CD163L1: variants seen among roughly 807,000 people sequenced by gnomAD.
The protein encoded by CD163L1 is scavenger receptor cysteine-rich type 1 protein M160.
Under a neutral mutation model 165.4 loss-of-function variants are expected in CD163L1, and 124 were observed. That is an observed-to-expected ratio of 0.75 (90% CI 0.65 to 0.87). The LOEUF (loss-of-function observed/expected upper bound fraction) is 0.87. Ranked by LOEUF, CD163L1 falls within the 40% of genes least tolerant of loss-of-function variation. The pLI, the probability that CD163L1 is intolerant of heterozygous loss-of-function variation, is 0.00. For missense variants in CD163L1, 1,525 were observed against 1,799.9 expected (o/e 0.85, Z 2.76); for synonymous variants, 585 against 662.2 (o/e 0.88, Z 1.79).
chr12:7,429,517 C>T (rs12309292), intron 4 of CD163L1, among the ~76,000 whole-genome samples: 16,716 of 151,974 alleles, frequency 0.11, 1,687 homozygotes, highest in African/African-American at 0.26. Context: ...AAAAATGTTC[C>T]AACACTCTTA....
chr12:7,366,239 C>T (rs896792560), intron 18 of CD163L1, among the ~76,000 whole-genome samples: 3 of 138,608 alleles, frequency 2.2e-5, no homozygotes, highest in African/African-American at 8.0e-5. Flanking sequence ...TTATCAGAGG[C>T]CGGAAAGGGT....
chr12:7,378,936 TA>T (rs1364726127), intron 9 of CD163L1, 41 bp downstream of exon 9: 2 of 1,542,446 alleles, frequency 1.3e-6, no homozygotes, highest in Non-Finnish European at 1.8e-6. Flanking sequence ...AGTGCAAAAA[TA>T]AATAATTAAA....
chr12:7,395,565 C>A (rs965501876), intron 8 of CD163L1, among the ~76,000 whole-genome samples: 1 of 152,096 alleles, frequency 6.6e-6, no homozygotes, highest in Non-Finnish European at 1.5e-5. Flanking sequence ...GCATGTTGTG[C>A]ACATGTACCC....
chr12:7,409,478 T>C (rs762987062), intron 4 of CD163L1, among the ~76,000 whole-genome samples: 258 of 152,286 alleles, frequency 1.7e-3, no homozygotes, highest in African/African-American at 5.9e-3. Context: ...TAGATTCTCA[T>C]AGGGAGTGAG....
At chr12:7,384,764 C>A (rs941707139) in intron 8 of CD163L1, among the ~76,000 whole-genome samples, 1 of 151,934 alleles carries the variant, frequency 6.6e-6, no homozygotes, top group Admixed American at 6.6e-5. Flanking sequence ...AAATTCATCA[C>A]CACTAGATTG....
intron 8 of CD163L1, among the ~76,000 whole-genome samples, chr12:7,393,466 A>G (rs1413356815): frequency 6.6e-6 from 1 of 152,236 alleles, no homozygotes; most frequent in Non-Finnish European, 1.5e-5. Context: ...AGCCAATATC[A>G]TACTGAATGG....
At chr12:7,380,500 C>T (rs1019838733) in intron 8 of CD163L1, among the ~76,000 whole-genome samples, 1 of 151,888 alleles carries the variant, frequency 6.6e-6, no homozygotes, top group African/African-American at 2.4e-5. Flanking sequence ...GAATTGAAGA[C>T]TATTATTCTA....
intron 4 of CD163L1, among the ~76,000 whole-genome samples, chr12:7,416,901 G>C (rs994528394): frequency 6.6e-6 from 1 of 152,032 alleles, no homozygotes; most frequent in South Asian, 2.1e-4. Flanking sequence ...GGCCAAACAG[G>C]CTCTTTTTTG....
chr12:7,395,221 T>C (rs1291216559), intron 8 of CD163L1, among the ~76,000 whole-genome samples: 1 of 152,218 alleles, frequency 6.6e-6, no homozygotes, highest in African/African-American at 2.4e-5. Context: ...TAGACTGGAT[T>C]AAGAAAATGT....
Position 7,440,629 on chromosome 12 carries a change from CTT to C in CD163L1, c.124+523_124+524del, listed in dbSNP as rs71067189. ...TTTGGAAACTATCTTTATCTTTTTTCTTTTTTTTTTTTTTTGAGATGGAGTCT... is the reference window on the plus strand; with the variant it reads ...TTTGGAAACTATCTTTATCTTTTTTCTTTTTTTTTTTTTGAGATGGAGTCT... On this transcript the variant is annotated intron_variant, in intron 2 of 19. Transcript: ENST00000313599. Among the ~76,000 whole-genome samples, 311 of 116,362 alleles carry C rather than the reference CTT, an allele frequency of 2.7e-3. 1 individual carries two copies. The highest frequency in any genetic ancestry group is 5.7e-3 in the African/African-American group (181 of 31,734). 76.3% of individuals were successfully genotyped at this position (116,362 alleles called of 152,430 possible). A position where few individuals can be genotyped will look rare whatever the true frequency, so the allele number is the denominator to read the frequency against.
intron 4 of CD163L1, among the ~76,000 whole-genome samples, chr12:7,348,018 A>G (rs1316269495): frequency 6.6e-6 from 1 of 152,168 alleles, no homozygotes; most frequent in Non-Finnish European, 1.5e-5. Context: ...TTCAAACCTC[A>G]TTGTTAAAAA....
At chr12:7,367,376 T>G in intron 17 of CD163L1, 45 bp from the exon 18 acceptor site, 42 of 1,209,856 alleles carry the variant, frequency 3.5e-5, no homozygotes, top group Non-Finnish European at 4.7e-5. Context: ...TCAAATGGCC[T>G]ATCCCTTATA....
In CD163L1 at chr12:7,398,682, T is replaced by A; in HGVS notation, c.1409-98A>T. ...AAATTCACGACTATAAGGCTTTGCC[T>A]AACAGGTGATATATTAGGCACACTT... On this transcript the variant is annotated intron_variant, in intron 6 of 19. Coordinates refer to ENST00000313599, the MANE Select transcript of CD163L1 (RefSeq NM_174941.6). The surrounding 1 kb of genome is among the most constrained non-coding windows in gnomAD (Gnocchi z 4.5). 1.0e-6 allele frequency: 1 copy of A among 983,814 alleles called. No individual in the cohort carries two copies. The highest frequency in any genetic ancestry group is 1.4e-6 in the Non-Finnish European group (1 of 698,704). 60.9% of individuals were successfully genotyped at this position (983,814 alleles called of 1,614,324 possible). A position where few individuals can be genotyped will look rare whatever the true frequency, so the allele number is the denominator to read the frequency against.
Position 7,433,675 on chromosome 12 carries a change from C to G in CD163L1, c.144G>C (p.Leu48Phe), listed in dbSNP as rs760126235. Residue 48 changes from leucine to phenylalanine, a missense_variant, in exon 3 of 20, where the codon TTG (leucine) becomes TTC (phenylalanine). Leu to Phe is a conservative substitution (Grantham distance 22, BLOSUM62 0). Transcript: ENST00000313599. Reference protein sequence around the residue: ...ISSFNGTDLELRLVNGDGPCS... With the variant: ...ISSFNGTDLEFRLVNGDGPCS... ...AGGGACCGTCTCCATTGACCAGCCT[C>G]AACTCCAAATCTGTTCCATCTGCAA... 1.2e-6 allele frequency: 2 copies of G among 1,612,584 alleles called. No individual in the cohort carries two copies. The highest frequency in any genetic ancestry group is 1.7e-6 in the Non-Finnish European group (2 of 1,179,138).
At chr12:7,394,470 G>T (rs186682848) in intron 8 of CD163L1, among the ~76,000 whole-genome samples, 5 of 152,264 alleles carry the variant, frequency 3.3e-5, no homozygotes, top group Non-Finnish European at 7.4e-5. Flanking sequence ...TTCAATGTTA[G>T]ACCTAAAAGC....
the CD163L1 span, among the ~76,000 whole-genome samples, chr12:7,336,700 A>AGG: frequency 6.6e-5 from 10 of 152,152 alleles, no homozygotes; most frequent in Admixed American, 6.5e-4. Context: ...AACAAATGGA[A>AGG]AAACATTCCA....
chr12:7,410,568 C>T (rs983748306), intron 4 of CD163L1, among the ~76,000 whole-genome samples: 1 of 150,604 alleles, frequency 6.6e-6, no homozygotes, highest in African/African-American at 2.5e-5. Context: ...CACACCACCG[C>T]ACTCCAGCCT....
At chr12:7,377,981 T>C (rs765276968) in intron 9 of CD163L1, among the ~76,000 whole-genome samples, 9 of 152,290 alleles carry the variant, frequency 5.9e-5, no homozygotes, top group Middle Eastern at 3.4e-3. Context: ...CTAAATCTCA[T>C]ATCCAATTTC....
chr12:7,412,359 T>C (rs1453520389), intron 4 of CD163L1, among the ~76,000 whole-genome samples: 1 of 152,302 alleles, frequency 6.6e-6, no homozygotes, highest in South Asian at 2.1e-4. Context: ...GACACTCTCA[T>C]ATGCTGTATT....
Sources: gnomAD v4.1 joint callset for allele counts (sites outside exome capture counted in the v4.1 genomes callset) on GRCh38, gnomAD v4.1.1 for gene constraint, Gnocchi (gnomAD v3.1) non-coding constraint, MANE v1.5 for transcripts, NCBI Gene and HGNC (gene_info 2026-07-23, HGNC 2026-07-21) for gene names.